IBTK: variants seen among roughly 807,000 people sequenced by gnomAD.
IBTK encodes the protein inhibitor of Bruton tyrosine kinase.
IBTK carries 83 observed loss-of-function variants against 154.9 expected under a neutral mutation model. That is an observed-to-expected ratio of 0.54 (90% CI 0.45 to 0.64). IBTK has a LOEUF of 0.64. IBTK is among the 30% of genes least tolerant of loss of function. IBTK has a pLI of 0.00. For synonymous variants in IBTK, 515 were observed against 536.1 expected, an observed-to-expected ratio of 0.96 and a Z score of 0.54; for missense variants, 1,332 against 1,584.6, an observed-to-expected ratio of 0.84 and a Z score of 2.71.
chr6:82,230,668 A>T (rs1770471104), intron 4 of IBTK, among the ~76,000 whole-genome samples: 1 of 152,220 alleles, frequency 6.6e-6, no homozygotes, highest in African/African-American at 2.4e-5. Flanking sequence ...TGGCAAAAAT[A>T]ACACTTCAGA....
chr6:82,247,491 T>A (rs949549742), intron 1 of IBTK, 71 bp downstream of exon 1: 2 of 398,152 alleles, frequency 5.0e-6, no homozygotes, highest in African/African-American at 4.1e-5. Context: ...AGAAGGCGAA[T>A]ACTCTCCCCC....
At chr6:82,175,383 CAG>C (rs1024802182) in intron 26 of IBTK, among the ~76,000 whole-genome samples, 210 of 152,166 alleles carry the variant, frequency 1.4e-3, no homozygotes, top group African/African-American at 4.8e-3. Flanking sequence ...CAGAAAGACT[CAG>C]AAAGAGCTGT....
intron 5 of IBTK, 96 bp from the exon 6 acceptor site, chr6:82,225,743 G>T: frequency 1.1e-6 from 1 of 869,864 alleles, no homozygotes; most frequent in Non-Finnish European, 1.8e-6. Context: ...GACATGAAAT[G>T]ACATGACTGA....
chr6:82,189,092 G>A, intron 25 of IBTK: 1 of 410,044 alleles, frequency 2.4e-6, no homozygotes, highest in South Asian at 1.8e-5. Context: ...TCTGACTAAT[G>A]TGATTTGTAG....
At chr6:82,204,805 A>G in intron 17 of IBTK, 52 bp downstream of exon 17, 1 of 1,136,360 alleles carries the variant, frequency 8.8e-7, no homozygotes, top group Non-Finnish European at 1.3e-6. Context: ...AAAGTACAGT[A>G]ATCCTTGATG....
rs373959089 is a variant in IBTK, at chr6:82,182,794, G to C, written c.3576-766C>G. Among the ~76,000 whole-genome samples, 67 of 152,252 alleles carry C rather than the reference G, an allele frequency of 4.4e-4. No individual in the cohort carries two copies. In the East Asian group the frequency reaches 0.012, roughly 27 times the overall value. On this transcript the variant is annotated intron_variant, in intron 25 of 28. Coordinates refer to ENST00000306270, the MANE Select transcript of IBTK (RefSeq NM_015525.4). ...AATGAAAATGAGTAGCTTGTTATTT[G>C]AAACAATGAAGCCCAAAAGACGATG...
intron 25 of IBTK, among the ~76,000 whole-genome samples, chr6:82,188,653 A>T (rs1216140969): frequency 6.6e-6 from 1 of 152,160 alleles, no homozygotes; most frequent in African/African-American, 2.4e-5. Context: ...AAACAAACCA[A>T]AAAAAGCTCT....
chr6:82,211,434 G>C lies in IBTK; in HGVS notation c.2375-30C>G, dbSNP rs1442904012. 2.5e-6 allele frequency: 4 copies of C among 1,604,686 alleles called. No homozygotes were observed. The African/African-American group carries it at 5.4e-5, about 22-fold the overall frequency. On this transcript the variant is annotated intron_variant, in intron 14 of 28. Transcript: ENST00000306270. ...AAGAAAAAAAAGTTCAATGCAATAAGAATAGTGAAACAATACTACAGCAAA... is the reference window on the plus strand; with the variant it reads ...AAGAAAAAAAAGTTCAATGCAATAACAATAGTGAAACAATACTACAGCAAA...
At chr6:82,197,059 G>C (rs545411320) in intron 21 of IBTK, among the ~76,000 whole-genome samples, 1 of 152,252 alleles carries the variant, frequency 6.6e-6, no homozygotes, top group Middle Eastern at 3.4e-3. Context: ...TCTTCTCTTA[G>C]GCAAGCTAAA....
chr6:82,217,612 C>T (rs1328022319), intron 10 of IBTK, among the ~76,000 whole-genome samples: 1 of 152,124 alleles, frequency 6.6e-6, no homozygotes, highest in Non-Finnish European at 1.5e-5. Flanking sequence ...AGTCATTTAT[C>T]TGTGGCTTTA....
chr6:82,231,008 C>T (rs754634751), intron 4 of IBTK, among the ~76,000 whole-genome samples: 1 of 152,124 alleles, frequency 6.6e-6, no homozygotes, highest in African/African-American at 2.4e-5. Context: ...GCTTATCTGT[C>T]TCCATAAGTG....
chr6:82,223,629 T>G lies in IBTK; in HGVS notation c.944-9A>C. On this transcript the variant is annotated splice_polypyrimidine_tract_variant and intron_variant, in intron 7 of 28. Coordinates refer to ENST00000306270, the MANE Select transcript of IBTK (RefSeq NM_015525.4). ...GGGATCTAGCAAACAACCTAAAAAATGATACAAATAAGCAAATCACAAAAT... is the reference window on the plus strand; with the variant it reads ...GGGATCTAGCAAACAACCTAAAAAAGGATACAAATAAGCAAATCACAAAAT... The G allele has an allele frequency of 6.2e-7, 1 of 1,610,348 alleles. No individual in the cohort carries two copies. The highest frequency in any genetic ancestry group is 8.5e-7 in the Non-Finnish European group (1 of 1,177,430).
At chr6:82,225,905 C>T (rs1039737129) in intron 5 of IBTK, among the ~76,000 whole-genome samples, 1 of 151,990 alleles carries the variant, frequency 6.6e-6, no homozygotes, top group African/African-American at 2.4e-5. Flanking sequence ...TTTTTGAGCC[C>T]TTACCAAGTG....
rs1769630496 is a variant in IBTK at position 82,211,386 on chromosome 6, A to G, written c.2393T>C (p.Leu798Pro). 1 of 1,608,942 alleles carries G rather than the reference A, an allele frequency of 6.2e-7. No individual in the cohort carries two copies. Among genetic ancestry groups the G allele is most frequent in the Non-Finnish European group, 8.5e-7 (1 of 1,178,080 alleles). The stretch of plus-strand genomic sequence containing the variant: ...TCTTACCTCAATCCATGAGCTACTC[A>G]GCATACTATGAAAATATTCTAAAAG... Reference protein sequence around the residue: ...CARLEYFHSMLSSSWIEASSC... With the variant: ...CARLEYFHSMPSSSWIEASSC... The change falls in exon 15 of 29, where the codon CTG (leucine) becomes CCG (proline). Residue 798 changes from leucine to proline, a missense_variant. By Grantham distance (98) the Leu-to-Pro change is moderately conservative. Around this residue, in one of 3 missense-constraint regions of IBTK, gnomAD observed 1,134 missense variants for 1,274.7 expected, o/e 0.89. Coordinates refer to ENST00000306270, the MANE Select transcript of IBTK (RefSeq NM_015525.4).
intron 17 of IBTK, among the ~76,000 whole-genome samples, chr6:82,203,818 T>A (rs1256805135): frequency 6.6e-6 from 1 of 152,164 alleles, no homozygotes; most frequent in Non-Finnish European, 1.5e-5. Context: ...TTTTAGAATA[T>A]TTTTCTTTTC....
intron 20 of IBTK, 114 bp downstream of exon 20, chr6:82,200,473 A>G: frequency 9.8e-7 from 1 of 1,019,880 alleles, no homozygotes; most frequent in African/African-American, 1.6e-5. Flanking sequence ...TCTCAATTTC[A>G]TCTTCCAATA....
chr6:82,172,352 A>C (rs1467788054), intron 28 of IBTK, 28 bp downstream of exon 28: 2 of 1,598,934 alleles, frequency 1.3e-6, no homozygotes, highest in Non-Finnish European at 1.7e-6. Flanking sequence ...TCTTCTCTAA[A>C]TTAAACCCTA....
intron 21 of IBTK, 149 bp downstream of exon 21, chr6:82,199,992 A>C (rs1769140278): frequency 1.7e-6 from 1 of 573,096 alleles, no homozygotes; most frequent in Non-Finnish European, 3.1e-6. Flanking sequence ...TTGTGCTCCC[A>C]GAGCAAACTT....
Position 82,216,196 on chromosome 6 carries a change from A to G in IBTK, c.1481T>C (p.Ile494Thr), listed in dbSNP as rs749636890. The change falls in exon 11 of 29, where the codon ATA (isoleucine) becomes ACA (threonine). Residue 494 changes from isoleucine to threonine, a missense_variant. Physicochemically the swap from Ile to Thr is moderately conservative, Grantham distance 89. Around this residue, in one of 3 missense-constraint regions of IBTK, gnomAD observed 1,134 missense variants for 1,274.7 expected, o/e 0.89. Transcript: ENST00000306270. The stretch of plus-strand genomic sequence containing the variant: ...TCGAATTCTTTCATACACACTATTT[A>G]TATCAGAGACATAAGACACATCTGA... ...SSSDVSYVSD[I>T]NSVYERIRLE... is the part of the protein sequence containing the mutation. 6.8e-6 allele frequency: 11 copies of G among 1,610,310 alleles called. No homozygotes were observed. The highest frequency in any genetic ancestry group is 9.3e-6 in the Non-Finnish European group (11 of 1,178,106).
Sources: allele counts gnomAD v4.1 joint callset (sites outside exome capture counted in the v4.1 genomes callset), GRCh38; gene constraint gnomAD v4.1.1; regional missense constraint gnomAD v4.1.1; transcripts MANE v1.5; gene names NCBI Gene and HGNC (gene_info 2026-07-23, HGNC 2026-07-21).